Variants in PMCH observed in about 807,000 individuals in gnomAD.
PMCH encodes pro-melanin concentrating hormone.
In PMCH, 8 loss-of-function variants were observed where a neutral mutation model predicts 15.9. The ratio of observed to expected loss-of-function variants is 0.50; its 90% confidence interval spans 0.29 to 0.91. The LOEUF (loss-of-function observed/expected upper bound fraction) is 0.91. PMCH is among the 40% of genes least tolerant of loss of function. The probability of loss-of-function intolerance (pLI) is 0.07; values close to 1 mark genes in which losing one functional copy is unlikely to be tolerated. For missense variants in PMCH, 169 were observed against 185.7 expected (o/e 0.91, Z 0.52); for synonymous variants, 73 against 63.8 (o/e 1.14, Z -0.69).
chr12:102,197,044 G>T lies in PMCH; in HGVS notation c.377C>A (p.Thr126Lys). 1.2e-6 allele frequency: 2 copies of T among 1,612,040 alleles called. No homozygotes were observed. Among genetic ancestry groups the T allele is most frequent in the South Asian group, 2.2e-5 (2 of 91,036 alleles). ...AENGVQNTES[T>K]QEKREIGDEE... ...ATCCCCAATTTCTCTCTTTTCTTGT[G>T]TTGATTCAGTATTCTGAACTCCATT... Residue 126 changes from threonine (T) to lysine (K), a missense_variant, in exon 2 of 3, where the codon ACA becomes AAA. Physicochemically the swap from Thr to Lys is moderately conservative, Grantham distance 78. Coordinates refer to ENST00000329406, the MANE Select transcript of PMCH (RefSeq NM_002674.4).
rs189987716 is a variant in PMCH, at chr12:102,197,367, C to T, written c.249+155G>A. 71 of 818,212 alleles carry T rather than the reference C, an allele frequency of 8.7e-5. No homozygotes were observed. In the Admixed American group the frequency reaches 1.9e-3, roughly 22 times the overall value. 50.7% of individuals were successfully genotyped at this position (818,212 alleles called of 1,614,324 possible). A position where few individuals can be genotyped will look rare whatever the true frequency, so the allele number is the denominator to read the frequency against. On this transcript the variant is annotated intron_variant, in intron 1 of 2. Coordinates refer to ENST00000329406, the MANE Select transcript of PMCH (RefSeq NM_002674.4). The stretch of plus-strand genomic sequence containing the variant: ...GTGTTTGCTGGGATGGAAGAACTAC[C>T]TGGCATGTAAGAAATATCGTCAGTC...
rs1236996764 is a variant in PMCH, at chr12:102,197,592, G to A, written c.179C>T (p.Ala60Val). The A allele has an allele frequency of 1.9e-6, 3 of 1,608,554 alleles. No homozygotes were observed. Among genetic ancestry groups the A allele is most frequent in the East Asian group, 4.5e-5 (2 of 44,744 alleles). Residue 60 changes from alanine (A) to valine (V), a missense_variant, in exon 1 of 3, where the codon GCT becomes GTT. Ala to Val is a moderately conservative substitution (Grantham distance 64). Coordinates refer to ENST00000329406, the MANE Select transcript of PMCH (RefSeq NM_002674.4). ...ATTTTTATATTGTTCCAGGGAAGGAGCAATAACTGATTTTTCTGCAGTGTC... is the reference window on the plus strand; with the variant it reads ...ATTTTTATATTGTTCCAGGGAAGGAACAATAACTGATTTTTCTGCAGTGTC... ...KEDTAEKSVI[A>V]PSLEQYKNDE...
Position 102,197,491 on chromosome 12 carries a change from G to T in PMCH, c.249+31C>A, listed in dbSNP as rs200627654. The T allele has an allele frequency of 1.5e-3, 2,401 of 1,555,128 alleles. 4 individuals carry two copies. Among genetic ancestry groups the T allele is most frequent in the Non-Finnish European group, 1.9e-3 (2,149 of 1,152,576 alleles). On this transcript the variant is annotated intron_variant, in intron 1 of 2. Coordinates refer to ENST00000329406, the MANE Select transcript of PMCH (RefSeq NM_002674.4). ...TGTAAGAATCATTTAAATTTTCATTGAAATAAACGACAAGTCACATTGCCA... is the reference window on the plus strand; with the variant it reads ...TGTAAGAATCATTTAAATTTTCATTTAAATAAACGACAAGTCACATTGCCA...
In PMCH at chr12:102,197,505, G is replaced by T; in HGVS notation, c.249+17C>A. The T allele has an allele frequency of 1.3e-6, 2 of 1,582,200 alleles. No homozygotes were observed. On this transcript the variant is annotated intron_variant, in intron 1 of 2. Transcript: ENST00000329406. ...AAATTTTCATTGAAATAAACGACAA[G>T]TCACATTGCCACTTACCTTTGAAAC...
At position 102,196,985 on chromosome 12, in the gene PMCH, T is replaced by A; in HGVS notation, c.436A>T (p.Arg146Ter). 6.2e-7 allele frequency: 1 copy of A among 1,610,734 alleles called. No homozygotes were observed. Among genetic ancestry groups the A allele is most frequent in the Non-Finnish European group, 8.5e-7 (1 of 1,177,612 alleles). Residue 146 changes from arginine (R) to a stop codon, truncating the protein, a stop_gained, in exon 2 of 3, where the codon AGA (arginine) becomes TGA (stop). Coordinates refer to ENST00000329406, the MANE Select transcript of PMCH (RefSeq NM_002674.4). LOFTEE classifies it high-confidence loss of function. Reference sequence around the variant, plus strand: ...AAAGACTACTCACTGTCAAAATCTCTCCTTCCTATAGGAAATTTAGCTGAG... The same window carrying A: ...AAAGACTACTCACTGTCAAAATCTCACCTTCCTATAGGAAATTTAGCTGAG... ...ENSAKFPIGR[R>*]DFDMLRCMLG...
intron 2 of PMCH, 88 bp from the exon 3 acceptor site, chr12:102,196,789 C>G (rs1891349667): frequency 8.4e-7 from 1 of 1,183,634 alleles, no homozygotes; most frequent in Admixed American, 1.8e-5. Context: ...TCTAGTATAA[C>G]TAATTCTGAG....
intron 1 of PMCH, 144 bp downstream of exon 1, chr12:102,197,378 G>C: frequency 2.3e-6 from 2 of 853,586 alleles, no homozygotes; most frequent in Non-Finnish European, 3.6e-6. Context: ...TGGCATGTAA[G>C]AAATATCGTC....
chr12:102,196,924 G>C (rs754850490), intron 2 of PMCH, 49 bp downstream of exon 2: 1 of 1,461,296 alleles, frequency 6.8e-7, no homozygotes, highest in Non-Finnish European at 9.6e-7. Context: ...TCAGAGTTCT[G>C]TTTAATGGTG....
intron 1 of PMCH, 71 bp from the exon 2 acceptor site, chr12:102,197,242 ATTCTT>A: frequency 1.7e-6 from 2 of 1,209,240 alleles, no homozygotes; most frequent in Non-Finnish European, 2.4e-6. Context: ...ATTGTATAAT[ATTCTT>A]GTTGATCAAT....
Position 102,197,651 on chromosome 12 carries a change from A to G in PMCH, c.120T>C (p.Asn40=), listed in dbSNP as rs1316072813. 6.2e-7 allele frequency: 1 copy of G among 1,612,148 alleles called. No homozygotes were observed. Among genetic ancestry groups the G allele is most frequent in the Non-Finnish European group, 8.5e-7 (1 of 1,178,794 alleles). The part of the protein sequence containing the change: ...IRNLDDDMVF[N]TFRLGKGFQK... ...GAAAGCCTTTCCCCAACCTGAATGT[A>G]TTAAATACCATGTCATCATCTAAAT... Residue 40 remains asparagine (N), a synonymous_variant, in exon 1 of 3, where the codon AAT becomes AAC. Transcript: ENST00000329406.
intron 1 of PMCH, 58 bp downstream of exon 1, chr12:102,197,464 T>C (rs1341647459): frequency 2.0e-6 from 3 of 1,468,512 alleles, no homozygotes; most frequent in East Asian, 4.5e-5. Context: ...TTTCAGAGGA[T>C]TTGTAAGAAT....
chr12:102,196,993 A>G lies in PMCH; in HGVS notation c.428T>C (p.Ile143Thr), dbSNP rs530771530. 4 of 1,611,424 alleles carry G rather than the reference A, an allele frequency of 2.5e-6. No homozygotes were observed. The highest frequency in any genetic ancestry group is 3.3e-4 in the Middle Eastern group (2 of 6,052). ...GDEENSAKFP[I>T]GRRDFDMLRC... ...CTCACTGTCAAAATCTCTCCTTCCTATAGGAAATTTAGCTGAGTTTTCTTC... is the reference window on the plus strand; with the variant it reads ...CTCACTGTCAAAATCTCTCCTTCCTGTAGGAAATTTAGCTGAGTTTTCTTC... The change falls in exon 2 of 3, where the codon ATA becomes ACA. Residue 143 changes from isoleucine (I) to threonine (T), a missense_variant. Coordinates refer to ENST00000329406, the MANE Select transcript of PMCH (RefSeq NM_002674.4).
At position 102,196,702 on chromosome 12, in the gene PMCH, C is replaced by T; in HGVS notation, c.449-1G>A. ...ACTCTTCCCAGCATACATCTGAGCA[C>T]TGAAGGAAGAAGAAAGTTTAAATTG... On this transcript the variant is annotated splice_acceptor_variant, in intron 2 of 2. Transcript: ENST00000329406. LOFTEE classifies it high-confidence loss of function. The T allele has an allele frequency of 6.2e-7, 1 of 1,606,380 alleles. No homozygotes were observed. Among genetic ancestry groups the T allele is most frequent in the Non-Finnish European group, 8.5e-7 (1 of 1,174,234 alleles).
Position 102,197,112 on chromosome 12 carries a change from T to C in PMCH, c.309A>G (p.Lys103=). The C allele has an allele frequency of 6.2e-7, 1 of 1,612,202 alleles. No individual in the cohort carries two copies. Among genetic ancestry groups the C allele is most frequent in the Non-Finnish European group, 8.5e-7 (1 of 1,178,648 alleles). ...CAGATCCTTTTAGTGCAAGATAAGGTTTTATAGCCAGATTCAGTGGCAGAC... is the reference window on the plus strand; with the variant it reads ...CAGATCCTTTTAGTGCAAGATAAGGCTTTATAGCCAGATTCAGTGGCAGAC... ...NHGLPLNLAI[K]PYLALKGSVA... Residue 103 remains lysine (K), a synonymous_variant, in exon 2 of 3, where the codon AAA becomes AAG. Coordinates refer to ENST00000329406, the MANE Select transcript of PMCH (RefSeq NM_002674.4).
intron 1 of PMCH, 67 bp from the exon 2 acceptor site, chr12:102,197,238 T>C (rs1891392943): frequency 4.1e-6 from 5 of 1,229,284 alleles, no homozygotes; most frequent in Non-Finnish European, 5.8e-6. Flanking sequence ...TACAATTGTA[T>C]AATATTCTTG....
In PMCH at chr12:102,196,593, C is replaced by T; in HGVS notation, c.*59G>A. 2 of 1,204,932 alleles carry T rather than the reference C, an allele frequency of 1.7e-6. No individual in the cohort carries two copies. Among genetic ancestry groups the T allele is most frequent in the Non-Finnish European group, 2.5e-6 (2 of 807,734 alleles). The allele number at this position is 1,204,932 out of a possible 1,614,324, so 74.6% of individuals were successfully genotyped here. On this transcript the variant is annotated 3_prime_UTR_variant, in exon 3 of 3. Coordinates refer to ENST00000329406, the MANE Select transcript of PMCH (RefSeq NM_002674.4). ...TATAGTAGCAGTATGGGCTTCTCCT[C>T]CCATTGGCAATTAAATGCTTTTATT...
chr12:102,197,276 G>C, intron 1 of PMCH, 105 bp from the exon 2 acceptor site: 1 of 1,009,478 alleles, frequency 9.9e-7, no homozygotes, highest in South Asian at 1.6e-5. Context: ...ACTCTGCACT[G>C]TTTTTGACTT....
chr12:102,196,928 A>T, intron 2 of PMCH, 45 bp downstream of exon 2: 1 of 1,471,086 alleles, frequency 6.8e-7, no homozygotes, highest in Non-Finnish European at 9.5e-7. Flanking sequence ...AGTTCTGTTT[A>T]ATGGTGGTAG....
chr12:102,196,824 T>G, intron 2 of PMCH, 123 bp from the exon 3 acceptor site: 1 of 1,039,060 alleles, frequency 9.6e-7, no homozygotes, highest in Middle Eastern at 3.1e-4. Context: ...AATAATTAAT[T>G]GTTGCTATTT....
Sources: allele counts gnomAD v4.1 joint callset, GRCh38; gene constraint gnomAD v4.1.1; transcripts MANE v1.5; gene names NCBI Gene and HGNC (gene_info 2026-07-23, HGNC 2026-07-21).